The following YJU2 variants were observed in gnomAD, a reference collection of about 807,000 sequenced individuals.
The protein encoded by YJU2 is YJU2 splicing factor homolog.
YJU2 carries 28 observed loss-of-function variants against 39.6 expected under a neutral mutation model. The observed-to-expected ratio is 0.71, with a 90% confidence interval of 0.52 to 0.97. The LOEUF (loss-of-function observed/expected upper bound fraction) is 0.97, where lower values mean the gene tolerates loss of function less well. Among genes scored for constraint, YJU2 ranks in the 50% least tolerant of loss-of-function variants. The pLI, the probability that YJU2 is intolerant of heterozygous loss-of-function variation, is 0.00. For missense variants in YJU2, 328 were observed against 430.4 expected (o/e 0.76, Z 2.11); for synonymous variants, 184 against 182.4 (o/e 1.01, Z -0.07).
At chr19:4,249,873 A>G (rs1970961860) in intron 2 of YJU2, among the ~76,000 whole-genome samples, 2 of 151,888 alleles carry the variant, frequency 1.3e-5, no homozygotes, top group South Asian at 4.1e-4. Context: ...CGCCCGGCTA[A>G]TTTTTGTATT....
At chr19:4,258,115 C>T in intron 4 of YJU2, 127 bp from the exon 5 acceptor site, 1 of 1,375,352 alleles carries the variant, frequency 7.3e-7, no homozygotes, top group Non-Finnish European at 9.8e-7. Flanking sequence ...CAGGGGGTTC[C>T]CTGAGCAGGA....
chr19:4,249,172 T>C, intron 1 of YJU2, 56 bp from the exon 2 acceptor site: 2 of 1,243,952 alleles, frequency 1.6e-6, no homozygotes, highest in South Asian at 1.3e-5. Context: ...CCCTCTGCCA[T>C]GTCCTGCCCC....
intron 6 of YJU2, among the ~76,000 whole-genome samples, chr19:4,266,268 G>T (rs1182951516): frequency 6.6e-6 from 1 of 152,052 alleles, no homozygotes; most frequent in Non-Finnish European, 1.5e-5. Context: ...CAACTTTAAG[G>T]AGGCCTCTCC....
At chr19:4,260,478 C>T (rs898118056) in intron 5 of YJU2, among the ~76,000 whole-genome samples, 6 of 151,490 alleles carry the variant, frequency 4.0e-5, no homozygotes, top group South Asian at 4.2e-4. Flanking sequence ...GGCTCACGCC[C>T]GTAATCCCAG....
rs1211060849 is a variant in YJU2 at position 4,264,229 on chromosome 19, T to C, written c.708+2115T>C. ...GTGAGCCGAGATTGTGCCACTGCAC[T>C]CCAGCCTGGGCGACAGAGCGAGACT... On this transcript the variant is annotated intron_variant, in intron 6 of 7. Coordinates refer to ENST00000262962, the MANE Select transcript of YJU2 (RefSeq NM_018074.6). Among the ~76,000 whole-genome samples the C allele has an allele frequency of 3.5e-5, 4 of 114,648 alleles. No homozygotes were observed. The South Asian group carries it at 9.5e-4, about 27-fold the overall frequency. 75.2% of individuals were successfully genotyped at this position (114,648 alleles called of 152,430 possible).
intron 1 of YJU2, among the ~76,000 whole-genome samples, chr19:4,248,405 G>A (rs950414585): frequency 6.6e-6 from 1 of 152,206 alleles, no homozygotes; most frequent in African/African-American, 2.4e-5. Flanking sequence ...ACAGAGGACA[G>A]TGTGCGCATT....
At chr19:4,247,272 C>A in intron 1 of YJU2, 102 bp downstream of exon 1, 1 of 1,100,430 alleles carries the variant, frequency 9.1e-7, no homozygotes, top group Non-Finnish European at 1.3e-6. Flanking sequence ...ACCCTTCTTT[C>A]CCAGCGGCCT....
At chr19:4,256,181 A>AAAAAAAAT (rs1001505791) in intron 4 of YJU2, among the ~76,000 whole-genome samples, 2 of 125,898 alleles carry the variant, frequency 1.6e-5, no homozygotes, top group African/African-American at 6.2e-5. Context: ...AAAAAAAAAA[A>AAAAAAAAT]ATATATATAT....
chr19:4,252,864 T>G (rs1970988429), intron 3 of YJU2, among the ~76,000 whole-genome samples: 1 of 152,134 alleles, frequency 6.6e-6, no homozygotes. Flanking sequence ...AGGCCAAGGC[T>G]GCAGTGAGCC....
At chr19:4,251,231 G>C in intron 3 of YJU2, 60 bp downstream of exon 3, 2 of 1,540,104 alleles carry the variant, frequency 1.3e-6, no homozygotes, top group African/African-American at 1.4e-5. Flanking sequence ...GATCAGGGCG[G>C]GCCCTGGGGT....
At chr19:4,254,733 A>T (rs1221844883) in intron 4 of YJU2, among the ~76,000 whole-genome samples, 1 of 151,644 alleles carries the variant, frequency 6.6e-6, no homozygotes, top group Non-Finnish European at 1.5e-5. Flanking sequence ...CAGCCTGGCC[A>T]ATGTGGCGAA....
chr19:4,253,456 C>A (rs1399630393), intron 3 of YJU2, among the ~76,000 whole-genome samples: 1 of 151,956 alleles, frequency 6.6e-6, no homozygotes, highest in Non-Finnish European at 1.5e-5. Flanking sequence ...TGGTGCATAC[C>A]TGTAGTCCCA....
intron 5 of YJU2, among the ~76,000 whole-genome samples, chr19:4,261,339 A>C (rs1312153360): frequency 6.6e-6 from 1 of 152,104 alleles, no homozygotes; most frequent in Non-Finnish European, 1.5e-5. Flanking sequence ...AAAAATACAA[A>C]AATTAGCTGG....
chr19:4,251,718 T>C (rs1295567482), intron 3 of YJU2, among the ~76,000 whole-genome samples: 3 of 144,878 alleles, frequency 2.1e-5, no homozygotes, highest in African/African-American at 7.7e-5. Flanking sequence ...GCACAGTGGC[T>C]CATGCCTGTA....
intron 1 of YJU2, chr19:4,248,379 GCAAAGACT>G (rs1568359886): frequency 1.3e-5 from 2 of 152,216 alleles, no homozygotes; most frequent in Non-Finnish European, 2.9e-5. Context: ...AGGAATGCGT[GCAAAGACT>G]CTTGGAGACA....
chr19:4,266,671 C>G (rs962421058), intron 6 of YJU2, among the ~76,000 whole-genome samples: 1 of 152,160 alleles, frequency 6.6e-6, no homozygotes, highest in Admixed American at 6.6e-5. Flanking sequence ...TTACCACTTC[C>G]TCTATTTAAA....
At chr19:4,254,634 A>T (rs1971004628) in intron 4 of YJU2, 145 bp downstream of exon 4, 2 of 1,226,974 alleles carry the variant, frequency 1.6e-6, no homozygotes, top group Middle Eastern at 2.9e-4. Flanking sequence ...AGATGTCCCC[A>T]GGAGGCCAGG....
At chr19:4,247,699 T>G (rs1182965662) in intron 1 of YJU2, among the ~76,000 whole-genome samples, 9 of 134,056 alleles carry the variant, frequency 6.7e-5, no homozygotes, top group East Asian at 2.3e-4. Flanking sequence ...GTGTGTGTGT[T>G]TTGTTTTTTT....
chr19:4,262,058 G>A lies in YJU2; in HGVS notation c.652G>A (p.Ala218Thr). 6.2e-7 allele frequency: 1 copy of A among 1,612,770 alleles called. No individual in the cohort carries two copies. Among genetic ancestry groups the A allele is most frequent in the Non-Finnish European group, 8.5e-7 (1 of 1,179,950 alleles). ...GGACTCCGACTCAGAGGATGAGGCT[G>A]CTCCCTCGCCCCTGCAGCCAGCCCT... ...LEDSDSEDEA[A>T]PSPLQPALRP... is the part of the protein sequence containing the mutation. Residue 218 changes from alanine (A) to threonine (T), a missense_variant, in exon 6 of 8, where the codon GCT becomes ACT. Transcript: ENST00000262962.
Sources: allele counts gnomAD v4.1 joint callset (sites outside exome capture counted in the v4.1 genomes callset), GRCh38; gene constraint gnomAD v4.1.1; transcripts MANE v1.5; gene names NCBI Gene and HGNC (gene_info 2026-07-23, HGNC 2026-07-21).